NTAN1: variants seen among roughly 807,000 people sequenced by gnomAD.
NTAN1 encodes the protein N-terminal asparagine amidase, also known as protein N-terminal asparagine amidohydrolase.
NTAN1 carries 32 observed loss-of-function variants against 41.9 expected under a neutral mutation model. That is an observed-to-expected ratio of 0.76 (90% CI 0.58 to 1.03). NTAN1 has a LOEUF of 1.03. Among genes scored for constraint, NTAN1 ranks in the 50% least tolerant of loss-of-function variants. The pLI is 0.00. For synonymous variants in NTAN1, 140 were observed against 139.5 expected, an observed-to-expected ratio of 1.00 and a Z score of -0.03; for missense variants, 377 against 377.5, an observed-to-expected ratio of 1.00 and a Z score of 0.01.
chr16:15,043,944 T>C (rs982552905), intron 5 of NTAN1, among the ~76,000 whole-genome samples: 1 of 150,450 alleles, frequency 6.6e-6, no homozygotes, highest in African/African-American at 2.5e-5. Flanking sequence ...CAAGACTACA[T>C]CTCAAAAAAA....
chr16:15,043,306 G>A (rs995503386), intron 5 of NTAN1, among the ~76,000 whole-genome samples: 1 of 152,216 alleles, frequency 6.6e-6, no homozygotes, highest in African/African-American at 2.4e-5. Flanking sequence ...AAAGTGCTGG[G>A]ATTACAGGCA....
rs577608713 is a variant in NTAN1 at position 15,055,387 on chromosome 16, G to C, written c.81+504C>G. Among the ~76,000 whole-genome samples the C allele has an allele frequency of 1.4e-3, 209 of 152,350 alleles. 1 individual carries two copies. The highest frequency in any genetic ancestry group is 4.9e-3 in the African/African-American group (203 of 41,596). On this transcript the variant is annotated intron_variant, in intron 1 of 9. Transcript: ENST00000287706. ...TCGGCGCCCTACGCCCCGGGGGTAGGGGAGAGAGAGGAGGAAGGACTGGGG... is the reference window on the plus strand; with the variant it reads ...TCGGCGCCCTACGCCCCGGGGGTAGCGGAGAGAGAGGAGGAAGGACTGGGG...
At chr16:15,043,876 A>T (rs1384745580) in intron 5 of NTAN1, among the ~76,000 whole-genome samples, 1 of 152,126 alleles carries the variant, frequency 6.6e-6, no homozygotes, top group Non-Finnish European at 1.5e-5. Context: ...TGAACCCAGG[A>T]GGCAGAGCTT....
chr16:15,044,495 A>G (rs2043964148), intron 4 of NTAN1, 88 bp from the exon 5 acceptor site: 1 of 862,488 alleles, frequency 1.2e-6, no homozygotes, highest in Non-Finnish European at 2.0e-6. Context: ...CTCAGTTTCC[A>G]TGAACACTTG....
At position 15,043,047 on chromosome 16, in the gene NTAN1, T is replaced by A. The variant is rs145115224; in HGVS notation, c.433+1287A>T. 6.6e-5 allele frequency among the ~76,000 whole-genome samples: 10 copies of A among 152,134 alleles called. 1 individual carries two copies. The highest frequency in any genetic ancestry group is 2.0e-4 in the Admixed American group (3 of 15,288). ...TCCCAAGTAGCTGGGATTACAGGCA[T>A]GCACCACCATGCCTGGCTAATTTTG... is the stretch of plus-strand genomic sequence containing the variant. On this transcript the variant is annotated intron_variant, in intron 5 of 9. Transcript: ENST00000287706.
At chr16:15,054,793 T>C (rs1426051410) in intron 1 of NTAN1, among the ~76,000 whole-genome samples, 1 of 152,204 alleles carries the variant, frequency 6.6e-6, no homozygotes, top group Non-Finnish European at 1.5e-5. Flanking sequence ...ACTACTCTTA[T>C]CTGCCTTCAG....
intron 4 of NTAN1, 31 bp downstream of exon 4, chr16:15,047,410 CA>C (rs1402554154): frequency 1.4e-6 from 2 of 1,386,926 alleles, no homozygotes; most frequent in Admixed American, 3.3e-5. Flanking sequence ...TCCAAGATCT[CA>C]ATTCACCTAT....
chr16:15,041,577 G>A, intron 6 of NTAN1, 46 bp downstream of exon 6: 11 of 1,388,962 alleles, frequency 7.9e-6, no homozygotes, highest in Non-Finnish European at 1.1e-5. Context: ...GGACAAAACG[G>A]TCCTGAGACC....
chr16:15,055,802 T>G, intron 1 of NTAN1, 89 bp downstream of exon 1: 1 of 706,410 alleles, frequency 1.4e-6, no homozygotes, highest in Admixed American at 4.4e-5. Flanking sequence ...GCGCCAAGTT[T>G]CAAGTCTGTG....
chr16:15,045,194 A>G (rs12934835), intron 4 of NTAN1: 46,582 of 150,084 alleles, frequency 0.31, 7,651 homozygotes, highest in Admixed American at 0.45. Context: ...CTACTCGGGA[A>G]GCTGAGGCAG....
At position 15,044,314 on chromosome 16, in the gene NTAN1, G is replaced by GAA; in HGVS notation, c.433+18_433+19dup. 1.5e-5 allele frequency: 22 copies of GAA among 1,434,500 alleles called. No homozygotes were observed. Among genetic ancestry groups the GAA allele is most frequent in the Non-Finnish European group, 2.0e-5 (21 of 1,041,480 alleles). 88.9% of individuals were successfully genotyped at this position (1,434,500 alleles called of 1,614,324 possible). On this transcript the variant is annotated intron_variant, in intron 5 of 9. Coordinates refer to ENST00000287706, the MANE Select transcript of NTAN1 (RefSeq NM_173474.4). ...ATATTTATGTCCAATTTGGGGGAAA[G>GAA]AAAAAAAAAATGAACTTACTAAGAA...
chr16:15,038,629 G>T lies in NTAN1; in HGVS notation c.698C>A (p.Thr233Lys). The T allele has an allele frequency of 6.2e-7, 1 of 1,610,148 alleles. No homozygotes were observed. Among genetic ancestry groups the T allele is most frequent in the African/African-American group, 1.3e-5 (1 of 74,932 alleles). The change falls in exon 9 of 10, where the codon ACA becomes AAA. Residue 233 changes from threonine to lysine, a missense_variant. By Grantham distance (78) the Thr-to-Lys change is moderately conservative (BLOSUM62 -1). Coordinates refer to ENST00000287706, the MANE Select transcript of NTAN1 (RefSeq NM_173474.4). ...EQLRIGPYSW[T>K]PFPHVDFWLH... ...CCAGAAATCCACATGTGGAAATGGT[G>T]TCCAGGAGTACGGTCCTATACGAAG...
intron 4 of NTAN1, among the ~76,000 whole-genome samples, chr16:15,046,410 C>A (rs1000829647): frequency 6.6e-6 from 1 of 152,154 alleles, no homozygotes; most frequent in Admixed American, 6.5e-5. Context: ...GAACAGTGGT[C>A]TTGACAGCAG....
At chr16:15,041,541 G>T in intron 6 of NTAN1, 82 bp downstream of exon 6, 1 of 912,560 alleles carries the variant, frequency 1.1e-6, no homozygotes, top group Non-Finnish European at 1.9e-6. Flanking sequence ...AGTGTGTGCC[G>T]GTGCTTGGGC....
At chr16:15,042,027 A>T (rs1254886997) in intron 5 of NTAN1, among the ~76,000 whole-genome samples, 2 of 152,236 alleles carry the variant, frequency 1.3e-5, no homozygotes, top group African/African-American at 4.8e-5. Flanking sequence ...AGAATTACAA[A>T]AACAAAAATC....
rs2043621349 is a variant in NTAN1, at chr16:15,038,194, G to A, written c.770C>T (p.Pro257Leu). 1 of 1,612,736 alleles carries A rather than the reference G, an allele frequency of 6.2e-7. No homozygotes were observed. Among genetic ancestry groups the A allele is most frequent in the Non-Finnish European group, 8.5e-7 (1 of 1,179,508 alleles). Residue 257 changes from proline (P) to leucine (L), a missense_variant, in exon 10 of 10, where the codon CCT becomes CTT. Transcript: ENST00000287706. ...AACAAAGTGGGGTGGCTCAGCCAGA[G>A]GCGAAGTGGAAAGATTCTGAAAACA... ...KQILENLSTS[P>L]LAEPPHFVEH...
rs943751846 is a variant in NTAN1 at position 15,056,013 on chromosome 16, C to G, written c.-42G>C. On this transcript the variant is annotated 5_prime_UTR_variant, in exon 1 of 10. Transcript: ENST00000287706. ...CAGGCAGGCCCAGGGAGGCGGCGGC[C>G]CCCCGCTTTGCAGCCCCGGGCCGCC... 4 of 1,099,868 alleles carry G rather than the reference C, an allele frequency of 3.6e-6. No homozygotes were observed. Among genetic ancestry groups the G allele is most frequent in the Non-Finnish European group, 4.5e-6 (4 of 882,632 alleles). The allele number at this position is 1,099,868 out of a possible 1,614,324, so 68.1% of individuals were successfully genotyped here.
At chr16:15,046,506 G>T (rs2044069737) in intron 4 of NTAN1, among the ~76,000 whole-genome samples, 1 of 152,096 alleles carries the variant, frequency 6.6e-6, no homozygotes, top group Non-Finnish European at 1.5e-5. Flanking sequence ...GGAGGCAGCG[G>T]CTACTTTACT....
At chr16:15,052,628 G>A (rs2044342030) in intron 1 of NTAN1, among the ~76,000 whole-genome samples, 1 of 152,178 alleles carries the variant, frequency 6.6e-6, no homozygotes, top group Non-Finnish European at 1.5e-5. Flanking sequence ...GAGGTCAGGA[G>A]TTTCAGACCA....
Sources: allele counts gnomAD v4.1 joint callset (sites outside exome capture counted in the v4.1 genomes callset), GRCh38; gene constraint gnomAD v4.1.1; transcripts MANE v1.5; gene names NCBI Gene and HGNC (gene_info 2026-07-23, HGNC 2026-07-21).